IGSF10: variants seen among roughly 807,000 people sequenced by gnomAD.
The protein encoded by IGSF10 is immunoglobulin superfamily member 10.
Under a neutral mutation model 128.2 loss-of-function variants are expected in IGSF10, and 126 were observed. The ratio of observed to expected loss-of-function variants is 0.98; its 90% CI spans 0.85 to 1.14. The LOEUF is 1.14. Ranked by LOEUF, IGSF10 falls within the 50% of genes most tolerant of loss-of-function variation. The pLI, the probability that IGSF10 is intolerant of heterozygous loss-of-function variation, is 0.00. For synonymous variants in IGSF10, 1,185 were observed against 1,146.2 expected (o/e 1.03, Z -0.68); for missense variants, 3,295 against 3,149.8 (o/e 1.05, Z -1.10).
intron 5 of IGSF10, among the ~76,000 whole-genome samples, chr3:151,452,766 A>G (rs1577674653): frequency 6.6e-6 from 1 of 152,190 alleles, no homozygotes; most frequent in South Asian, 2.1e-4. Context: ...TCCATTCAAG[A>G]ATGGAAGTAT....
At chr3:151,542,152 A>G in the IGSF10 span, among the ~76,000 whole-genome samples, 2 of 152,172 alleles carry the variant, frequency 1.3e-5, no homozygotes, top group African/African-American at 2.4e-5. Flanking sequence ...CACAGGCACT[A>G]AACTCAAAAC....
the IGSF10 span, among the ~76,000 whole-genome samples, chr3:151,619,623 A>C: frequency 6.6e-6 from 1 of 152,170 alleles, no homozygotes; most frequent in Non-Finnish European, 1.5e-5. Context: ...CTATAAAAAT[A>C]AGTGGGTATG....
chr3:151,444,061 C>T (rs1721035840), intron 6 of IGSF10, among the ~76,000 whole-genome samples, 177 bp from the exon 7 acceptor site: 1 of 151,994 alleles, frequency 6.6e-6, no homozygotes, highest in African/African-American at 2.4e-5. Flanking sequence ...ATCACTTAAG[C>T]CCAGGAGTTC....
the IGSF10 span, among the ~76,000 whole-genome samples, chr3:151,610,845 A>G: frequency 6.6e-6 from 1 of 152,170 alleles, no homozygotes; most frequent in East Asian, 1.9e-4. Flanking sequence ...CTTGTATAGG[A>G]CCCACTCCTG....
chr3:151,504,785 G>A, the IGSF10 span, among the ~76,000 whole-genome samples: 21 of 152,296 alleles, frequency 1.4e-4, no homozygotes, highest in African/African-American at 4.3e-4. Context: ...CCAACTGTTC[G>A]TGTTCAAGTA....
the IGSF10 span, among the ~76,000 whole-genome samples, chr3:151,532,635 T>C: frequency 6.6e-6 from 1 of 152,264 alleles, no homozygotes; most frequent in East Asian, 1.9e-4. Flanking sequence ...CAGCGCTTCA[T>C]GCTAAAAACT....
At chr3:151,481,971 C>T in the IGSF10 span, among the ~76,000 whole-genome samples, 1 of 152,176 alleles carries the variant, frequency 6.6e-6, no homozygotes, top group East Asian at 1.9e-4. Flanking sequence ...GGAGATTACT[C>T]CACTATATCC....
At chr3:151,532,266 G>C in the IGSF10 span, among the ~76,000 whole-genome samples, 1 of 152,138 alleles carries the variant, frequency 6.6e-6, no homozygotes, top group African/African-American at 2.4e-5. Context: ...AGAGGAGCTG[G>C]TACCATTCCT....
the IGSF10 span, among the ~76,000 whole-genome samples, chr3:151,608,322 A>G: frequency 3.3e-5 from 5 of 152,216 alleles, no homozygotes; most frequent in African/African-American, 1.2e-4. Flanking sequence ...TCAATGTGTC[A>G]GCAAAGCGGT....
downstream of IGSF10, chr3:151,433,012 T>C: frequency 1.9e-6 from 1 of 522,920 alleles, no homozygotes. Flanking sequence ...AATTCACCTT[T>C]AAAGTAGGTT....
the IGSF10 span, among the ~76,000 whole-genome samples, chr3:151,510,643 G>T: frequency 6.6e-6 from 1 of 152,322 alleles, no homozygotes; most frequent in South Asian, 2.1e-4. Context: ...AGAAAGGAAG[G>T]CTTCAGAAGA....
the IGSF10 span, among the ~76,000 whole-genome samples, chr3:151,530,253 A>G: frequency 2.0e-5 from 3 of 152,100 alleles, no homozygotes; most frequent in Non-Finnish European, 4.4e-5. Context: ...GTCACCTAAA[A>G]GAGACGGGGA....
chr3:151,493,254 C>T, the IGSF10 span, among the ~76,000 whole-genome samples: 1 of 152,110 alleles, frequency 6.6e-6, no homozygotes, highest in African/African-American at 2.4e-5. Flanking sequence ...AATTATATTA[C>T]TGGTTTTTGT....
the IGSF10 span, among the ~76,000 whole-genome samples, chr3:151,572,310 T>C: frequency 5.3e-5 from 8 of 152,238 alleles, no homozygotes; most frequent in Non-Finnish European, 1.0e-4. Context: ...ATCTCCTCTT[T>C]GTACCTCTGG....
chr3:151,525,052 G>A, the IGSF10 span, among the ~76,000 whole-genome samples: 1 of 92,132 alleles, frequency 1.1e-5, no homozygotes, highest in African/African-American at 4.3e-5. Context: ...TTTAAAGAGA[G>A]CCTTGCTCTG....
chr3:151,526,371 T>A, the IGSF10 span, among the ~76,000 whole-genome samples: 3 of 151,476 alleles, frequency 2.0e-5, no homozygotes, highest in South Asian at 2.1e-4. Flanking sequence ...ATTGGTAATC[T>A]TTAGTATATT....
the IGSF10 span, among the ~76,000 whole-genome samples, chr3:151,530,472 G>A: frequency 6.6e-6 from 1 of 152,058 alleles, no homozygotes; most frequent in African/African-American, 2.4e-5. Flanking sequence ...GAGAAATATC[G>A]GGTTACCCAC....
At chr3:151,595,219 A>T in the IGSF10 span, among the ~76,000 whole-genome samples, 1 of 152,150 alleles carries the variant, frequency 6.6e-6, no homozygotes, top group African/African-American at 2.4e-5. Context: ...TTACTCAAAA[A>T]ATTAGAAATA....
At chr3:151,581,629 TC>T in the IGSF10 span, among the ~76,000 whole-genome samples, 1 of 152,188 alleles carries the variant, frequency 6.6e-6, no homozygotes, top group Non-Finnish European at 1.5e-5. Context: ...AGAGATTCTT[TC>T]CTGTACTTGT....
Sources: allele counts gnomAD v4.1 joint callset (sites outside exome capture counted in the v4.1 genomes callset), GRCh38; gene constraint gnomAD v4.1.1; transcripts MANE v1.5; gene names NCBI Gene and HGNC (gene_info 2026-07-23, HGNC 2026-07-21).